Variants in WDR49 observed in about 807,000 individuals in gnomAD.
WDR49 encodes the protein cilia- and flagella-associated protein 337.
In WDR49, 107 loss-of-function variants were observed where a neutral mutation model predicts 119.5. That is an observed-to-expected ratio of 0.90 (90% confidence interval 0.77 to 1.05). The LOEUF is 1.05. WDR49 is among the 50% of genes least tolerant of loss of function. The pLI, the probability that WDR49 is intolerant of heterozygous loss-of-function variation, is 0.00. For synonymous variants in WDR49, 425 were observed against 418.8 expected (o/e 1.01, Z -0.18); for missense variants, 1,240 against 1,220.5 (o/e 1.02, Z -0.24).
At chr3:167,495,883 G>GAAAAAAAAAAAAAAAAAAAAAAAAAAAA in intron 18 of WDR49, among the ~76,000 whole-genome samples, 10 of 71,224 alleles carry the variant, frequency 1.4e-4, no homozygotes, top group Non-Finnish European at 1.6e-4. Context: ...TTAAAAATTT[G>GAAAAAAAAAAAAAAAAAAAAAAAAAAAA]AAAAAAAAAA....
intron 8 of WDR49, among the ~76,000 whole-genome samples, chr3:167,570,278 A>T (rs1356802895): frequency 6.6e-6 from 1 of 152,226 alleles, no homozygotes; most frequent in Non-Finnish European, 1.5e-5. Context: ...GTCTTGTACG[A>T]TGGAGATAAA....
intron 15 of WDR49, among the ~76,000 whole-genome samples, chr3:167,524,788 A>G (rs530134717): frequency 6.6e-6 from 1 of 152,200 alleles, no homozygotes; most frequent in East Asian, 1.9e-4. Context: ...TACCAGTACC[A>G]TGCTGTTTTG....
At chr3:167,564,611 G>T (rs933843582) in intron 8 of WDR49, among the ~76,000 whole-genome samples, 1 of 152,068 alleles carries the variant, frequency 6.6e-6, no homozygotes, top group Non-Finnish European at 1.5e-5. Flanking sequence ...ATGAGGACGG[G>T]GCCCTGACAG....
At chr3:167,489,661 G>C (rs533769801) in intron 18 of WDR49, among the ~76,000 whole-genome samples, 6 of 152,180 alleles carry the variant, frequency 3.9e-5, no homozygotes, top group African/African-American at 1.2e-4. Context: ...AGAAGAATTG[G>C]TTTATATATT....
rs1407835622 is a variant in WDR49, at chr3:167,604,111, T to G, written c.1126+190A>C. On this transcript the variant is annotated intron_variant, in intron 6 of 18. Coordinates refer to ENST00000682715, the MANE Select transcript of WDR49 (RefSeq NM_001366157.1). The stretch of plus-strand genomic sequence containing the variant: ...TTGGGCACTTTCTCATATTTTTACC[T>G]CAATGTAGTTCATACACACTGCACA... Among the ~76,000 whole-genome samples, 3 of 152,054 alleles carry G rather than the reference T, an allele frequency of 2.0e-5. No homozygotes were observed. The East Asian group carries it at 5.8e-4, about 29-fold the overall frequency.
chr3:167,624,037 A>G (rs976198334), intron 3 of WDR49, among the ~76,000 whole-genome samples: 2 of 152,002 alleles, frequency 1.3e-5, no homozygotes, highest in Non-Finnish European at 2.9e-5. Flanking sequence ...TCGAAACTCA[A>G]TAAGATAACA....
Position 167,604,411 on chromosome 3 carries a change from C to T in WDR49, c.1016G>A (p.Ser339Asn). ...TTTCTCTCTCCAAGCCATCACCACA[C>T]TATTTGTATTGCTGGTTGTACTGGA... ...IISSTTSNTN[S>N]VVMAWREKSK... The change falls in exon 6 of 19, where the codon AGT becomes AAT. Residue 339 changes from serine to asparagine, a missense_variant. Physicochemically the swap from Ser to Asn is conservative, Grantham distance 46 (BLOSUM62 1). Transcript: ENST00000682715. 6.2e-7 allele frequency: 1 copy of T among 1,613,616 alleles called. No homozygotes were observed. The highest frequency in any genetic ancestry group is 8.5e-7 in the Non-Finnish European group (1 of 1,179,852).
At chr3:167,525,293 A>T (rs1039547041) in intron 15 of WDR49, among the ~76,000 whole-genome samples, 2 of 152,132 alleles carry the variant, frequency 1.3e-5, no homozygotes, top group African/African-American at 4.8e-5. Context: ...TTATCAACTT[A>T]AGGAGTTTTT....
At chr3:167,592,921 T>C (rs1715215408) in intron 7 of WDR49, among the ~76,000 whole-genome samples, 1 of 152,212 alleles carries the variant, frequency 6.6e-6, no homozygotes, top group Non-Finnish European at 1.5e-5. Flanking sequence ...ACTTTAAATA[T>C]GCTATTCTCT....
At chr3:167,495,510 TA>T (rs1199917806) in intron 18 of WDR49, among the ~76,000 whole-genome samples, 2 of 152,078 alleles carry the variant, frequency 1.3e-5, no homozygotes, top group Non-Finnish European at 2.9e-5. Flanking sequence ...TTTATTCCAT[TA>T]TTTAATTCCA....
chr3:167,617,154 A>G (rs965259648), intron 5 of WDR49, among the ~76,000 whole-genome samples: 7 of 152,214 alleles, frequency 4.6e-5, no homozygotes, highest in Admixed American at 3.9e-4. Context: ...ACAGAGGAAG[A>G]GGCAAAATAA....
intron 18 of WDR49, among the ~76,000 whole-genome samples, chr3:167,486,924 T>C (rs1489909832): frequency 3.9e-5 from 6 of 152,066 alleles, no homozygotes; most frequent in African/African-American, 1.4e-4. Flanking sequence ...ACCAACAGAA[T>C]ATATATTCTT....
chr3:167,574,736 A>G (rs1234517441), intron 8 of WDR49, among the ~76,000 whole-genome samples: 1 of 151,824 alleles, frequency 6.6e-6, no homozygotes, highest in African/African-American at 2.4e-5. Flanking sequence ...GCAACATAGG[A>G]TTTTAACATC....
At chr3:167,511,570 GT>G (rs1327871570) in intron 16 of WDR49, among the ~76,000 whole-genome samples, 1 of 152,124 alleles carries the variant, frequency 6.6e-6, no homozygotes. Context: ...GGGAAACCAT[GT>G]TTTTTTCCAC....
At chr3:167,547,656 CTTTT>C (rs74953812) in intron 10 of WDR49, among the ~76,000 whole-genome samples, 2 of 132,148 alleles carry the variant, frequency 1.5e-5, no homozygotes, top group South Asian at 2.5e-4. Context: ...ACAAGATTTT[CTTTT>C]TTTTTTTTTT....
chr3:167,641,040 T>C (rs1278935107), intron 2 of WDR49, among the ~76,000 whole-genome samples: 1 of 151,954 alleles, frequency 6.6e-6, no homozygotes, highest in Non-Finnish European at 1.5e-5. Context: ...CATAAGGAGC[T>C]GAGTCTCAGG....
intron 16 of WDR49, among the ~76,000 whole-genome samples, chr3:167,511,606 A>G (rs1407056793): frequency 6.6e-6 from 1 of 152,178 alleles, no homozygotes; most frequent in Non-Finnish European, 1.5e-5. Context: ...CATGGATCAG[A>G]TCACCACCAG....
intron 16 of WDR49, among the ~76,000 whole-genome samples, chr3:167,513,846 G>C (rs1000408922): frequency 1.3e-5 from 2 of 151,976 alleles, no homozygotes; most frequent in African/African-American, 4.8e-5. Context: ...AACTAACAAA[G>C]ATCAAAAAAG....
At chr3:167,650,316 C>T (rs1718316820) in intron 2 of WDR49, among the ~76,000 whole-genome samples, 1 of 152,170 alleles carries the variant, frequency 6.6e-6, no homozygotes, top group Non-Finnish European at 1.5e-5. Flanking sequence ...GAGACCATGT[C>T]ATTTCTCTAA....
Sources: allele counts gnomAD v4.1 joint callset (sites outside exome capture counted in the v4.1 genomes callset), GRCh38; gene constraint gnomAD v4.1.1; transcripts MANE v1.5; gene names NCBI Gene and HGNC (gene_info 2026-07-23, HGNC 2026-07-21).